Variants in MGMT observed in about 807,000 individuals in gnomAD.
MGMT encodes O-6-methylguanine-DNA methyltransferase.
MGMT carries 14 observed loss-of-function variants against 15.9 expected under a neutral mutation model. That is an observed-to-expected ratio of 0.88 (90% CI 0.58 to 1.37). The LOEUF (loss-of-function observed/expected upper bound fraction) is 1.37, where lower values mean the gene tolerates loss of function less well. MGMT is among the 40% of genes most tolerant of loss of function. The pLI, the probability that MGMT is intolerant of heterozygous loss-of-function variation, is 0.00. For missense variants in MGMT, 282 were observed against 268.1 expected (o/e 1.05, Z -0.36); for synonymous variants, 130 against 118.2 (o/e 1.10, Z -0.65).
chr10:129,756,388 G>A (rs922032995), intron 3 of MGMT, among the ~76,000 whole-genome samples: 15 of 152,346 alleles, frequency 9.8e-5, no homozygotes, highest in South Asian at 4.1e-4. Flanking sequence ...TTCGGAGGCC[G>A]CGTCACAGAG....
chr10:129,650,644 G>T (rs183879122), intron 2 of MGMT, among the ~76,000 whole-genome samples: 1 of 152,224 alleles, frequency 6.6e-6, no homozygotes, highest in Non-Finnish European at 1.5e-5. Context: ...CCAGTGAGCT[G>T]TGTAATCGCC....
chr10:129,576,384 C>T (rs533192925), intron 2 of MGMT, among the ~76,000 whole-genome samples: 1,632 of 152,210 alleles, frequency 0.011, 19 homozygotes, highest in Non-Finnish European at 0.017. Context: ...GTTCAATATA[C>T]GCAAATCAAT....
At chr10:129,683,469 T>C (rs183018241) in intron 2 of MGMT, among the ~76,000 whole-genome samples, 444 of 152,224 alleles carry the variant, frequency 2.9e-3, no homozygotes, top group African/African-American at 0.01. Context: ...AATGCCCGGG[T>C]GAGTGCTAGG....
chr10:129,699,189 G>A (rs912092617), intron 2 of MGMT, among the ~76,000 whole-genome samples: 2 of 152,014 alleles, frequency 1.3e-5, no homozygotes, highest in Admixed American at 1.3e-4. Flanking sequence ...AGGTAAATAG[G>A]CTTTTTAAGG....
chr10:129,669,042 G>A (rs1240186327), intron 2 of MGMT, among the ~76,000 whole-genome samples: 1 of 152,150 alleles, frequency 6.6e-6, no homozygotes, highest in Non-Finnish European at 1.5e-5. Flanking sequence ...TAAGTGTTAT[G>A]CATTTATTAA....
intron 1 of MGMT, among the ~76,000 whole-genome samples, chr10:129,471,718 C>G (rs1483032785): frequency 1.3e-5 from 2 of 152,118 alleles, no homozygotes; most frequent in African/African-American, 4.8e-5. Flanking sequence ...GGACCAGAAC[C>G]TGGGGATGCC....
intron 1 of MGMT, among the ~76,000 whole-genome samples, chr10:129,528,568 G>A (rs1337879553): frequency 6.6e-6 from 1 of 152,022 alleles, no homozygotes; most frequent in Admixed American, 6.6e-5. Flanking sequence ...TGAGGCCAGA[G>A]AAGGAAGTGT....
At chr10:129,475,860 A>G (rs1402015462) in intron 1 of MGMT, among the ~76,000 whole-genome samples, 4 of 152,314 alleles carry the variant, frequency 2.6e-5, no homozygotes, top group East Asian at 1.9e-4. Flanking sequence ...AACGTTATCT[A>G]CCCTCTTGGC....
At chr10:129,678,927 G>A (rs1265320478) in intron 2 of MGMT, among the ~76,000 whole-genome samples, 3 of 152,018 alleles carry the variant, frequency 2.0e-5, no homozygotes, top group African/African-American at 7.3e-5. Flanking sequence ...ACAAAAACTC[G>A]CCGAGCGTGG....
At chr10:129,755,386 T>C (rs1848793103) in intron 3 of MGMT, among the ~76,000 whole-genome samples, 1 of 152,250 alleles carries the variant, frequency 6.6e-6, no homozygotes, top group Admixed American at 6.5e-5. Flanking sequence ...CTGCTCTTTC[T>C]TGCTCTCTGT....
chr10:129,549,641 A>T (rs558125544), intron 2 of MGMT, among the ~76,000 whole-genome samples: 1 of 152,220 alleles, frequency 6.6e-6, no homozygotes, highest in East Asian at 1.9e-4. Context: ...GCTTGCATGA[A>T]GCGTCATCTG....
At chr10:129,689,239 C>G (rs867436148) in intron 2 of MGMT, among the ~76,000 whole-genome samples, 1 of 152,168 alleles carries the variant, frequency 6.6e-6, no homozygotes, top group African/African-American at 2.4e-5. Context: ...CAACCCTGTC[C>G]TTTGTTTCTT....
At chr10:129,639,893 A>C (rs1847308121) in intron 2 of MGMT, among the ~76,000 whole-genome samples, 1 of 151,626 alleles carries the variant, frequency 6.6e-6, no homozygotes, top group African/African-American at 2.4e-5. Flanking sequence ...GAGTCAAAGA[A>C]CTGGTTCTTT....
At position 129,645,054 on chromosome 10, in the gene MGMT, G is replaced by A. The variant is rs115671425; in HGVS notation, c.126-62841G>A. Among the ~76,000 whole-genome samples, 361 of 151,336 alleles carry A rather than the reference G, an allele frequency of 2.4e-3. 4 individuals carry two copies. The highest frequency in any genetic ancestry group is 8.3e-3 in the African/African-American group (344 of 41,208). ...TTTCTTTACATAGAAATTCTCCCAC[G>A]CTCCTTTTTGCTTTTAGTCTTGAGG... is the stretch of plus-strand genomic sequence containing the variant. On this transcript the variant is annotated intron_variant, in intron 2 of 4. Transcript: ENST00000651593.
chr10:129,763,149 T>C (rs1445040615), intron 4 of MGMT, among the ~76,000 whole-genome samples: 1 of 152,158 alleles, frequency 6.6e-6, no homozygotes, highest in Non-Finnish European at 1.5e-5. Flanking sequence ...GATTCACGTA[T>C]TGGATGAATT....
At chr10:129,505,049 A>C (rs1327969956) in intron 1 of MGMT, among the ~76,000 whole-genome samples, 1 of 152,198 alleles carries the variant, frequency 6.6e-6, no homozygotes, top group African/African-American at 2.4e-5. Flanking sequence ...TTAAAATTGC[A>C]GCGTGTGTTT....
intron 1 of MGMT, among the ~76,000 whole-genome samples, chr10:129,474,674 A>G (rs921263680): frequency 6.6e-6 from 1 of 152,058 alleles, no homozygotes; most frequent in African/African-American, 2.4e-5. Context: ...GTTGGGGGCA[A>G]CCTGTACGTC....
intron 1 of MGMT, among the ~76,000 whole-genome samples, chr10:129,494,582 A>G (rs559286356): frequency 3.6e-4 from 55 of 152,324 alleles, no homozygotes; most frequent in Non-Finnish European, 6.6e-4. Flanking sequence ...CTGCTGCCCA[A>G]TGTGGTAGCC....
chr10:129,477,454 A>G (rs1030387953), intron 1 of MGMT, among the ~76,000 whole-genome samples: 3 of 152,132 alleles, frequency 2.0e-5, no homozygotes, highest in Admixed American at 6.5e-5. Flanking sequence ...CTGACCTCCA[A>G]TTTGGCTGTA....
Sources: gnomAD v4.1 joint callset for allele counts (sites outside exome capture counted in the v4.1 genomes callset) on GRCh38, gnomAD v4.1.1 for gene constraint, MANE v1.5 for transcripts, NCBI Gene and HGNC (gene_info 2026-07-23, HGNC 2026-07-21) for gene names.